C10orf90: variants seen among roughly 807,000 people sequenced by gnomAD.
C10orf90 encodes the protein (E2-independent) E3 ubiquitin-conjugating enzyme FATS.
C10orf90 carries 56 observed loss-of-function variants against 62.5 expected under a neutral mutation model. The observed-to-expected ratio is 0.90, with a 90% CI of 0.72 to 1.12. The LOEUF (loss-of-function observed/expected upper bound fraction) is 1.12, where lower values mean the gene tolerates loss of function less well. C10orf90 is among the 50% of genes most tolerant of loss of function. The pLI, the probability that C10orf90 is intolerant of heterozygous loss-of-function variation, is 0.00. For synonymous variants in C10orf90, 386 were observed against 340.4 expected (o/e 1.13, Z -1.47); for missense variants, 970 against 880.4 (o/e 1.10, Z -1.29).
chr10:126,636,843 A>T (rs767397440), intron 2 of C10orf90, among the ~76,000 whole-genome samples: 1 of 152,204 alleles, frequency 6.6e-6, no homozygotes, highest in Non-Finnish European at 1.5e-5. Context: ...TCCATGCCTT[A>T]TTAACAATAT....
chr10:126,545,160 A>G (rs75004491), intron 2 of C10orf90, among the ~76,000 whole-genome samples: 3,158 of 152,172 alleles, frequency 0.021, 53 homozygotes, highest in Middle Eastern at 0.051. Context: ...TCTGTTTCGT[A>G]ATCATACCCA....
chr10:126,440,224 C>T (rs1426842343), intron 7 of C10orf90, among the ~76,000 whole-genome samples: 2 of 152,140 alleles, frequency 1.3e-5, no homozygotes, highest in Non-Finnish European at 2.9e-5. Context: ...TGCAACCAGC[C>T]CTTTGGATTG....
chr10:126,568,990 G>A (rs930877653), intron 2 of C10orf90, among the ~76,000 whole-genome samples: 3 of 152,180 alleles, frequency 2.0e-5, no homozygotes, highest in Non-Finnish European at 4.4e-5. Flanking sequence ...GGGCACCAGA[G>A]CCCTGCTGGG....
At chr10:126,507,045 T>A (rs925588867) in intron 3 of C10orf90, among the ~76,000 whole-genome samples, 2 of 152,052 alleles carry the variant, frequency 1.3e-5, no homozygotes, top group Non-Finnish European at 2.9e-5. Flanking sequence ...CATCACATTA[T>A]ATGTGGGTTT....
intron 7 of C10orf90, among the ~76,000 whole-genome samples, chr10:126,433,111 T>C (rs1047413052): frequency 1.3e-5 from 2 of 152,136 alleles, no homozygotes; most frequent in African/African-American, 4.8e-5. Context: ...TCTTCTACCC[T>C]GTACAGGTAG....
At position 126,464,935 on chromosome 10, in the gene C10orf90, C is replaced by T. The variant is rs549988140; in HGVS notation, c.1586G>A (p.Cys529Tyr). The T allele has an allele frequency of 2.5e-6, 4 of 1,599,628 alleles. No homozygotes were observed. The African/African-American group carries it at 4.0e-5, about 16-fold the overall frequency. Reference sequence around the variant, plus strand: ...CACTGGAGGAGCAGACACAGTCATACATACTTCTCCTTGTTGCCTCTTGCT... The same window carrying T: ...CACTGGAGGAGCAGACACAGTCATATATACTTCTCCTTGTTGCCTCTTGCT... ...GSSKRQQGEVCMTVSAPPVEQ... is the reference protein window; with the variant it reads ...GSSKRQQGEVYMTVSAPPVEQ... Residue 529 changes from cysteine to tyrosine, a missense_variant, in exon 5 of 10, where the codon TGT becomes TAT. By Grantham distance (194) the Cys-to-Tyr change is radical. Coordinates refer to ENST00000488181, the MANE Select transcript of C10orf90 (RefSeq NM_001350921.2).
chr10:126,576,864 A>G (rs1366087352), intron 2 of C10orf90, among the ~76,000 whole-genome samples: 1 of 150,634 alleles, frequency 6.6e-6, no homozygotes, highest in Non-Finnish European at 1.5e-5. Flanking sequence ...ATGGAACTGA[A>G]GGACATTATT....
At chr10:126,668,860 G>A (rs1162787701) in intron 1 of C10orf90, among the ~76,000 whole-genome samples, 3 of 152,154 alleles carry the variant, frequency 2.0e-5, no homozygotes, top group Non-Finnish European at 4.4e-5. Context: ...TATATTTGAA[G>A]TTTTTTGTAA....
intron 1 of C10orf90, among the ~76,000 whole-genome samples, chr10:126,647,555 C>T (rs993060155): frequency 6.6e-6 from 1 of 152,162 alleles, no homozygotes; most frequent in Non-Finnish European, 1.5e-5. Context: ...AGTCTGGCTT[C>T]CCCCCGATCC....
intron 2 of C10orf90, among the ~76,000 whole-genome samples, chr10:126,562,395 C>A (rs773110899): frequency 1.3e-5 from 2 of 152,220 alleles, no homozygotes; most frequent in Non-Finnish European, 2.9e-5. Context: ...CAAGACGAAC[C>A]TGCTAACCAC....
chr10:126,467,190 TA>T (rs1295094132), intron 4 of C10orf90, among the ~76,000 whole-genome samples: 4 of 152,362 alleles, frequency 2.6e-5, no homozygotes, highest in African/African-American at 9.6e-5. Flanking sequence ...TGAGCTTGTG[TA>T]AGTCAGATGT....
At chr10:126,591,770 A>C (rs1301248907) in intron 2 of C10orf90, among the ~76,000 whole-genome samples, 1 of 152,210 alleles carries the variant, frequency 6.6e-6, no homozygotes, top group Non-Finnish European at 1.5e-5. Context: ...CTTTGTTTGC[A>C]GATGATATGA....
At chr10:126,554,779 C>T (rs752457163) in intron 2 of C10orf90, among the ~76,000 whole-genome samples, 20 of 152,278 alleles carry the variant, frequency 1.3e-4, no homozygotes, top group South Asian at 6.2e-4. Context: ...AAGTCAAAGA[C>T]GCTTTTATTC....
intron 2 of C10orf90, among the ~76,000 whole-genome samples, chr10:126,602,654 T>G (rs1845221134): frequency 6.6e-6 from 1 of 152,074 alleles, no homozygotes; most frequent in South Asian, 2.1e-4. Flanking sequence ...GAATATGATC[T>G]GTAAGCTCAT....
intron 2 of C10orf90, among the ~76,000 whole-genome samples, chr10:126,565,249 ATTATATTATATAT>A (rs1397655624): frequency 7.3e-4 from 20 of 27,382 alleles, no homozygotes; most frequent in Non-Finnish European, 1.1e-3. Context: ...TATAATATTT[ATTATATTATATAT>A]TTATATTATA....
rs566111898 is a variant in C10orf90 at position 126,527,319 on chromosome 10, G to A, written c.314-13380C>T. 3.9e-5 allele frequency among the ~76,000 whole-genome samples: 6 copies of A among 152,332 alleles called. 1 individual carries two copies. Among genetic ancestry groups the A allele is most frequent in the African/African-American group, 1.4e-4 (6 of 41,576 alleles). On this transcript the variant is annotated intron_variant, in intron 2 of 9. Transcript: ENST00000488181. ...CATTTCCCTAATGGCTAATGATGTG[G>A]AGCATCTTTTCATGTGCTTATTGGC...
At chr10:126,517,323 A>G (rs1863486498) in intron 2 of C10orf90, among the ~76,000 whole-genome samples, 1 of 152,250 alleles carries the variant, frequency 6.6e-6, no homozygotes. Context: ...AAAAAATAGT[A>G]AAGTTGTAAC....
intron 2 of C10orf90, among the ~76,000 whole-genome samples, chr10:126,566,368 G>T (rs1467955978): frequency 6.6e-6 from 1 of 152,196 alleles, no homozygotes; most frequent in Non-Finnish European, 1.5e-5. Context: ...AGTGAAGAAA[G>T]TGGACTGAAT....
chr10:126,555,777 G>A (rs766923463), intron 2 of C10orf90, among the ~76,000 whole-genome samples: 3 of 151,944 alleles, frequency 2.0e-5, no homozygotes, highest in Admixed American at 2.0e-4. Flanking sequence ...GGGTCAATGC[G>A]AGTGGAGTCA....
Sources: gnomAD v4.1 joint callset for allele counts (sites outside exome capture counted in the v4.1 genomes callset) on GRCh38, gnomAD v4.1.1 for gene constraint, MANE v1.5 for transcripts, NCBI Gene and HGNC (gene_info 2026-07-23, HGNC 2026-07-21) for gene names.